The following GMDS variants were observed in gnomAD, a reference collection of about 807,000 sequenced individuals.
GMDS encodes the protein GDP-mannose 4,6 dehydratase.
Under a neutral mutation model 49.9 loss-of-function variants are expected in GMDS, and 20 were observed. That is an observed-to-expected ratio of 0.40 (90% CI 0.28 to 0.58). The LOEUF is 0.58. GMDS is among the 20% of genes least tolerant of loss of function. The pLI is 0.42. For missense variants in GMDS, 362 were observed against 481.4 expected, an observed-to-expected ratio of 0.75 and a Z score of 2.32; for synonymous variants, 177 against 178.6, an observed-to-expected ratio of 0.99 and a Z score of 0.07.
intron 7 of GMDS, among the ~76,000 whole-genome samples, chr6:1,873,720 G>A (rs1364709062): frequency 5.3e-5 from 8 of 152,144 alleles, no homozygotes; most frequent in African/African-American, 1.9e-4. Context: ...CTTTATCTGT[G>A]ATTTCAAGTA....
At position 2,231,790 on chromosome 6, in the gene GMDS, C is replaced by T. The variant is rs142242093; in HGVS notation, c.102+13531G>A. 3.2e-4 allele frequency among the ~76,000 whole-genome samples: 49 copies of T among 152,224 alleles called. 1 individual carries two copies. In the East Asian group the frequency reaches 6.8e-3, roughly 21 times the overall value. On this transcript the variant is annotated intron_variant, in intron 1 of 10. Coordinates refer to ENST00000380815, the MANE Select transcript of GMDS (RefSeq NM_001500.4). ...TCTAGATCATTTATATATGAGATAA[C>T]GTGTGTCCTACCTTGGAGTCAAGAA...
intron 6 of GMDS, among the ~76,000 whole-genome samples, chr6:1,944,422 G>A (rs1561911382): frequency 6.6e-6 from 1 of 151,942 alleles, no homozygotes; most frequent in South Asian, 2.1e-4. Flanking sequence ...GGAGAATGGC[G>A]TGAATCTGGG....
intron 1 of GMDS, among the ~76,000 whole-genome samples, chr6:2,138,537 A>T (rs1008247008): frequency 1.3e-5 from 2 of 152,170 alleles, no homozygotes; most frequent in Non-Finnish European, 2.9e-5. Flanking sequence ...TCCAAATCTC[A>T]TGTTGAAATG....
rs142523615 is a variant in GMDS, at chr6:1,685,538, G to A, written c.987+40878C>T. Among the ~76,000 whole-genome samples, 240 of 152,090 alleles carry A rather than the reference G, an allele frequency of 1.6e-3. 2 individuals carry two copies. Among genetic ancestry groups the A allele is most frequent in the African/African-American group, 5.6e-3 (234 of 41,480 alleles). Reference sequence around the variant, plus strand: ...ATCTGAAAATGAAATTCAAAGGCCTGCTGACAATATATTCCTCGTCTCCAT... The same window carrying A: ...ATCTGAAAATGAAATTCAAAGGCCTACTGACAATATATTCCTCGTCTCCAT... On this transcript the variant is annotated intron_variant, in intron 9 of 10. Transcript: ENST00000380815.
chr6:2,114,646 C>T (rs1774741098), intron 4 of GMDS, among the ~76,000 whole-genome samples: 1 of 152,144 alleles, frequency 6.6e-6, no homozygotes, highest in Admixed American at 6.5e-5. Flanking sequence ...ACAGCACAGG[C>T]AGATATGAGG....
At chr6:1,933,596 T>C (rs1762392880) in intron 6 of GMDS, among the ~76,000 whole-genome samples, 1 of 152,244 alleles carries the variant, frequency 6.6e-6, no homozygotes, top group East Asian at 1.9e-4. Context: ...GTGGTTCCGA[T>C]GTGTCCTTCT....
chr6:1,823,244 T>C (rs1400223331), intron 7 of GMDS, among the ~76,000 whole-genome samples: 1 of 152,222 alleles, frequency 6.6e-6, no homozygotes, highest in African/African-American at 2.4e-5. Context: ...TAATTGCTTA[T>C]TTTCTTGGGT....
Position 2,245,538 on chromosome 6 carries a change from G to A in GMDS, c.-116C>T. 1 of 507,948 alleles carries A rather than the reference G, an allele frequency of 2.0e-6. No individual in the cohort carries two copies. Among genetic ancestry groups the A allele is most frequent in the Non-Finnish European group, 3.2e-6 (1 of 317,358 alleles). The allele number at this position is 507,948 out of a possible 1,614,324, so 31.5% of individuals were successfully genotyped here. A position where few individuals can be genotyped will look rare whatever the true frequency, so the allele number is the denominator to read the frequency against. On this transcript the variant is annotated 5_prime_UTR_variant, in exon 1 of 11. Transcript: ENST00000380815. ...AGCGCCTCTCCAGGCTGCGGGCAGG[G>A]AGGGAGAGCGCACCGCGCGACCGGC... is the stretch of plus-strand genomic sequence containing the variant.
chr6:2,102,789 C>T (rs1774000636), intron 4 of GMDS, among the ~76,000 whole-genome samples: 1 of 151,890 alleles, frequency 6.6e-6, no homozygotes, highest in African/African-American at 2.4e-5. Flanking sequence ...TATCTTACAC[C>T]CTGGTTTTAA....
chr6:1,853,949 G>T (rs1757829581), intron 7 of GMDS, among the ~76,000 whole-genome samples: 1 of 152,092 alleles, frequency 6.6e-6, no homozygotes, highest in African/African-American at 2.4e-5. Context: ...GCACTATTCA[G>T]AGGCAGACAA....
intron 4 of GMDS, among the ~76,000 whole-genome samples, chr6:2,029,838 C>T (rs1768838443): frequency 1.3e-5 from 2 of 151,998 alleles, no homozygotes; most frequent in South Asian, 4.1e-4. Context: ...GAAGAAGGTA[C>T]TTTAATTTAA....
intron 7 of GMDS, among the ~76,000 whole-genome samples, chr6:1,928,084 G>A (rs915198916): frequency 3.9e-5 from 6 of 152,134 alleles, no homozygotes; most frequent in African/African-American, 1.4e-4. Context: ...TACCTATATA[G>A]GGCCAGGTGC....
At chr6:2,144,866 T>C (rs1776475359) in intron 1 of GMDS, among the ~76,000 whole-genome samples, 1 of 152,206 alleles carries the variant, frequency 6.6e-6, no homozygotes, top group Admixed American at 6.5e-5. Context: ...TGAAGGCCTC[T>C]GGAAGGTGAG....
At chr6:1,821,388 A>G (rs985032899) in intron 7 of GMDS, among the ~76,000 whole-genome samples, 8 of 151,966 alleles carry the variant, frequency 5.3e-5, no homozygotes, top group African/African-American at 1.9e-4. Flanking sequence ...GACGGGGGGC[A>G]GCTCGCTGTC....
intron 7 of GMDS, among the ~76,000 whole-genome samples, chr6:1,900,537 T>C (rs1213891720): frequency 6.6e-6 from 1 of 152,216 alleles, no homozygotes. Flanking sequence ...TAAGATAACT[T>C]CTACTGAAGT....
At chr6:1,700,069 C>G (rs146373753) in intron 9 of GMDS, among the ~76,000 whole-genome samples, 1 of 152,144 alleles carries the variant, frequency 6.6e-6, no homozygotes, top group African/African-American at 2.4e-5. Context: ...AGAACCACCC[C>G]CTCCGCACCG....
At position 2,058,564 on chromosome 6, in the gene GMDS, T is replaced by C. The variant is rs186658715; in HGVS notation, c.345+57207A>G. ...AAAGAATATCTTGAGAGGTAGAGAG[T>C]TCCATATAACCCAAGATGTTCAAGA... On this transcript the variant is annotated intron_variant, in intron 4 of 10. Coordinates refer to ENST00000380815, the MANE Select transcript of GMDS (RefSeq NM_001500.4). Among the ~76,000 whole-genome samples the C allele has an allele frequency of 4.8e-3, 736 of 152,022 alleles. 9 individuals are homozygous for C. The highest frequency in any genetic ancestry group is 0.037 in the Middle Eastern group (11 of 294).
intron 9 of GMDS, among the ~76,000 whole-genome samples, chr6:1,714,742 C>T (rs562513806): frequency 3.3e-5 from 5 of 152,258 alleles, no homozygotes. Context: ...CAGTCGTACT[C>T]TCTTCAGACA....
intron 6 of GMDS, among the ~76,000 whole-genome samples, chr6:1,959,322 A>T (rs1279734561): frequency 1.3e-5 from 2 of 152,200 alleles, no homozygotes; most frequent in African/African-American, 4.8e-5. Flanking sequence ...AAACATTACT[A>T]TGTACTCCAT....
Sources: gnomAD v4.1 joint callset for allele counts (sites outside exome capture counted in the v4.1 genomes callset) on GRCh38, gnomAD v4.1.1 for gene constraint, MANE v1.5 for transcripts, NCBI Gene and HGNC (gene_info 2026-07-23, HGNC 2026-07-21) for gene names.